STAP1: variants seen among roughly 807,000 people sequenced by gnomAD.
STAP1 encodes signal-transducing adaptor protein 1.
In STAP1, 30 loss-of-function variants were observed where a neutral mutation model predicts 37.8. That is an observed-to-expected ratio of 0.79 (90% CI 0.59 to 1.08). The LOEUF (loss-of-function observed/expected upper bound fraction) is 1.08, where lower values mean the gene tolerates loss of function less well. STAP1 is among the 50% of genes least tolerant of loss of function. The pLI is 0.00. For missense variants in STAP1, 357 were observed against 349.4 expected, an observed-to-expected ratio of 1.02 and a Z score of -0.17; for synonymous variants, 130 against 116.0, an observed-to-expected ratio of 1.12 and a Z score of -0.78.
At chr4:67,575,318 C>T in intron 2 of STAP1, 67 bp from the exon 3 acceptor site, 1 of 1,061,100 alleles carries the variant, frequency 9.4e-7, no homozygotes, top group Non-Finnish European at 1.4e-6. Context: ...ACTTATTTTG[C>T]TTCCTGCTAG....
chr4:67,602,026 A>T (rs1728352998), intron 8 of STAP1, among the ~76,000 whole-genome samples: 1 of 151,684 alleles, frequency 6.6e-6, no homozygotes, highest in Admixed American at 6.6e-5. Flanking sequence ...GGTGTGCTTC[A>T]TTCCTTTTTA....
intron 4 of STAP1, among the ~76,000 whole-genome samples, chr4:67,577,520 G>A (rs1049004185): frequency 3.3e-5 from 5 of 152,086 alleles, no homozygotes; most frequent in African/African-American, 7.2e-5. Context: ...AGGGAGTAAC[G>A]GGTGGTAAAG....
At chr4:67,585,800 G>C (rs1727967425) in intron 6 of STAP1, among the ~76,000 whole-genome samples, 2 of 152,138 alleles carry the variant, frequency 1.3e-5, no homozygotes, top group Admixed American at 1.3e-4. Context: ...AGTGAACTTA[G>C]AATAATTTGT....
chr4:67,566,335 C>A (rs1727470721), intron 1 of STAP1, among the ~76,000 whole-genome samples: 1 of 152,114 alleles, frequency 6.6e-6, no homozygotes, highest in South Asian at 2.1e-4. Context: ...ACAGAAATCA[C>A]ACAAATGAAG....
At chr4:67,559,066 TG>T (rs982561171) in intron 1 of STAP1, 137 bp downstream of exon 1, 3 of 869,704 alleles carry the variant, frequency 3.4e-6, no homozygotes, top group Non-Finnish European at 3.2e-6. Flanking sequence ...CTCAGAAAAA[TG>T]ATTCCAATTT....
chr4:67,565,327 A>G (rs950844281), intron 1 of STAP1, among the ~76,000 whole-genome samples: 2 of 152,190 alleles, frequency 1.3e-5, no homozygotes, highest in Admixed American at 1.3e-4. Context: ...AAACCTCTTT[A>G]TTTAAGAAAA....
At chr4:67,600,627 T>A (rs1174711029) in intron 8 of STAP1, among the ~76,000 whole-genome samples, 1 of 152,188 alleles carries the variant, frequency 6.6e-6, no homozygotes, top group African/African-American at 2.4e-5. Context: ...ATCTCTCCCT[T>A]TAGCTATAAT....
At chr4:67,596,201 A>C (rs886853093) in intron 8 of STAP1, among the ~76,000 whole-genome samples, 6 of 151,866 alleles carry the variant, frequency 4.0e-5, no homozygotes, top group African/African-American at 1.5e-4. Context: ...TTCTCATGAG[A>C]TCTGATGGTT....
intron 3 of STAP1, among the ~76,000 whole-genome samples, chr4:67,575,747 G>C (rs1727706079): frequency 6.6e-6 from 1 of 152,152 alleles, no homozygotes; most frequent in South Asian, 2.1e-4. Context: ...ATCCCACCTG[G>C]TGTTTGCTAA....
intron 1 of STAP1, among the ~76,000 whole-genome samples, chr4:67,562,633 G>C (rs1194851149): frequency 6.7e-6 from 1 of 149,970 alleles, no homozygotes; most frequent in Non-Finnish European, 1.5e-5. Context: ...TTAGCCGGGC[G>C]AGGTGGTGGG....
Position 67,604,856 on chromosome 4 carries a change from GT to G in STAP1, c.827-1438del, listed in dbSNP as rs201246347. On this transcript the variant is annotated intron_variant, in intron 8 of 8. Transcript: ENST00000265404. The stretch of plus-strand genomic sequence containing the variant: ...TCTGTGGGAAGCCATTCCAATATTG[GT>G]TCAGTTTTCAAAGCTTCTGTTATGC... Among the ~76,000 whole-genome samples, 160 of 152,242 alleles carry G rather than the reference GT, an allele frequency of 1.1e-3. 3 individuals carry two copies. The East Asian group carries it at 0.027, about 25-fold the overall frequency.
At chr4:67,603,040 G>A (rs354879) in intron 8 of STAP1, among the ~76,000 whole-genome samples, 128,241 of 152,110 alleles carry the variant, frequency 0.84, 55,390 homozygotes, top group Non-Finnish European at 0.94. Context: ...CTGGAGTTAG[G>A]AACCTCAGCA....
chr4:67,566,540 C>T (rs1312238681), intron 1 of STAP1, among the ~76,000 whole-genome samples: 4 of 152,274 alleles, frequency 2.6e-5, no homozygotes, highest in Admixed American at 1.3e-4. Flanking sequence ...TACACTCACT[C>T]TCTCCTGGTA....
At chr4:67,601,343 G>T (rs932552945) in intron 8 of STAP1, among the ~76,000 whole-genome samples, 1 of 151,952 alleles carries the variant, frequency 6.6e-6, no homozygotes, top group Non-Finnish European at 1.5e-5. Context: ...AGTTATTTTT[G>T]ATTGGTTCAT....
At chr4:67,561,223 A>G (rs909911147) in intron 1 of STAP1, among the ~76,000 whole-genome samples, 6 of 152,206 alleles carry the variant, frequency 3.9e-5, no homozygotes, top group African/African-American at 1.4e-4. Context: ...GAAAAATCTA[A>G]GCAAAATAAG....
chr4:67,568,123 T>C (rs1394887816), intron 1 of STAP1, among the ~76,000 whole-genome samples: 1 of 152,116 alleles, frequency 6.6e-6, no homozygotes, highest in Admixed American at 6.6e-5. Flanking sequence ...AAAAGCAAAA[T>C]TGAGTTATAG....
intron 1 of STAP1, among the ~76,000 whole-genome samples, chr4:67,565,791 A>AATT (rs1391397698): frequency 6.6e-6 from 1 of 151,984 alleles, no homozygotes; most frequent in African/African-American, 2.4e-5. Context: ...ACACAATAAT[A>AATT]ATTATTATTA....
chr4:67,605,656 T>C (rs1728435434), intron 8 of STAP1, among the ~76,000 whole-genome samples: 1 of 152,188 alleles, frequency 6.6e-6, no homozygotes, highest in South Asian at 2.1e-4. Flanking sequence ...GATGGAAAAG[T>C]ACATGACAAT....
intron 7 of STAP1, 27 bp from the exon 8 acceptor site, chr4:67,593,233 G>A (rs1728158218): frequency 1.3e-6 from 2 of 1,545,800 alleles, no homozygotes; most frequent in Non-Finnish European, 1.8e-6. Context: ...GTGATGCTGA[G>A]TTTTCTCTCA....
Sources: gnomAD v4.1 joint callset for allele counts (sites outside exome capture counted in the v4.1 genomes callset) on GRCh38, gnomAD v4.1.1 for gene constraint, MANE v1.5 for transcripts, NCBI Gene and HGNC (gene_info 2026-07-23, HGNC 2026-07-21) for gene names.